MAF: variants seen among roughly 807,000 people sequenced by gnomAD.
The protein encoded by MAF is transcription factor Maf.
Under a neutral mutation model 22.0 loss-of-function variants are expected in MAF, and 10 were observed. The observed-to-expected ratio is 0.45, with a 90% CI of 0.28 to 0.77. The LOEUF (loss-of-function observed/expected upper bound fraction) is 0.77. Among genes scored for constraint, MAF ranks in the 30% least tolerant of loss-of-function variants. MAF has a pLI of 0.12. For synonymous variants in MAF, 337 were observed against 255.8 expected, an observed-to-expected ratio of 1.32 and a Z score of -3.03; for missense variants, 544 against 548.4, an observed-to-expected ratio of 0.99 and a Z score of 0.08.
chr16:79,231,155 G>C, the MAF span, among the ~76,000 whole-genome samples: 3 of 152,010 alleles, frequency 2.0e-5, no homozygotes, highest in African/African-American at 7.2e-5. Context: ...TCTCCACCTG[G>C]ATGTGAAATC....
the MAF span, among the ~76,000 whole-genome samples, chr16:79,423,678 A>G: frequency 1.3e-5 from 2 of 152,220 alleles, no homozygotes; most frequent in African/African-American, 4.8e-5. Flanking sequence ...TATATTTGCT[A>G]TCTGGTCCTT....
At chr16:79,391,252 T>C in the MAF span, among the ~76,000 whole-genome samples, 1 of 152,224 alleles carries the variant, frequency 6.6e-6, no homozygotes, top group South Asian at 2.1e-4. Flanking sequence ...AATAATGACA[T>C]GCTTCTCAAG....
the MAF span, among the ~76,000 whole-genome samples, chr16:79,228,065 A>C: frequency 7.2e-5 from 11 of 152,110 alleles, no homozygotes; most frequent in African/African-American, 2.6e-4. Flanking sequence ...CACCACACGC[A>C]GCTAAGTACT....
the MAF span, among the ~76,000 whole-genome samples, chr16:79,214,963 G>GC: frequency 3.9e-5 from 6 of 151,908 alleles, no homozygotes; most frequent in Non-Finnish European, 7.4e-5. Context: ...ACCCACCTCA[G>GC]CCCCCCAAAG....
At position 79,599,319 on chromosome 16, in the gene MAF, GGGTGGTGGTGGTGGCCGGCGGCGT is replaced by G. The variant is rs1055102790; in HGVS notation, c.560_583del (p.His187_His194del). ...CGCGGCGCCGGGCGCGCCGGCCGTC[GGGTGGTGGTGGTGGCCGGCGGCGT>G]GGTGGTGGTGGTGGTGGTAGTGCGG... On this transcript the variant is annotated inframe_deletion, in exon 1 of 2. Coordinates refer to ENST00000326043, the MANE Select transcript of MAF (RefSeq NM_005360.5). 5 of 984,860 alleles carry G rather than the reference GGGTGGTGGTGGTGGCCGGCGGCGT, an allele frequency of 5.1e-6. No homozygotes were observed. Among genetic ancestry groups the G allele is most frequent in the Non-Finnish European group, 4.8e-6 (4 of 831,270 alleles). 61.0% of individuals were successfully genotyped at this position (984,860 alleles called of 1,614,324 possible).
At chr16:79,380,657 C>G in the MAF span, among the ~76,000 whole-genome samples, 1 of 152,172 alleles carries the variant, frequency 6.6e-6, no homozygotes, top group Non-Finnish European at 1.5e-5. Context: ...TAAACCCTCT[C>G]TGACGATGAT....
the MAF span, among the ~76,000 whole-genome samples, chr16:79,342,658 C>T: frequency 5.9e-5 from 9 of 152,132 alleles, no homozygotes; most frequent in East Asian, 1.7e-3. Flanking sequence ...CCATCACCAT[C>T]ATCATAACAA....
chr16:79,587,052 T>C (rs984905459), intron 1 of MAF, among the ~76,000 whole-genome samples: 3 of 152,244 alleles, frequency 2.0e-5, no homozygotes, highest in Admixed American at 2.0e-4. Flanking sequence ...AATCTTTCTT[T>C]ACTTACATTT....
At chr16:79,461,208 G>T in the MAF span, among the ~76,000 whole-genome samples, 5 of 152,192 alleles carry the variant, frequency 3.3e-5, no homozygotes, top group Non-Finnish European at 7.3e-5. Flanking sequence ...GATTTTGTAA[G>T]AACACTCACA....
chr16:79,599,682 GAGA>G lies in MAF; in HGVS notation c.218_220del (p.Phe73del). The stretch of plus-strand genomic sequence containing the variant: ...GCTGCCCGAGCCCGGGCTGGGCGCC[GAGA>G]AGCTGGGGGAAGGGGGCACCGAGCT... On this transcript the variant is annotated inframe_deletion, in exon 1 of 2. Transcript: ENST00000326043. The G allele has an allele frequency of 6.2e-7, 1 of 1,612,210 alleles. No individual in the cohort carries two copies. The highest frequency in any genetic ancestry group is 1.1e-5 in the South Asian group (1 of 90,992).
chr16:79,303,171 G>A, the MAF span, among the ~76,000 whole-genome samples: 3 of 152,168 alleles, frequency 2.0e-5, no homozygotes, highest in Admixed American at 6.5e-5. Flanking sequence ...GAAGGCTGAT[G>A]TTCTAGACAT....
rs747887687 is a variant in MAF at position 79,598,867 on chromosome 16, C to T, written c.1036G>A (p.Glu346Lys). The T allele has an allele frequency of 5.0e-6, 8 of 1,613,758 alleles. No individual in the cohort carries two copies. The highest frequency in any genetic ancestry group is 6.8e-6 in the Non-Finnish European group (8 of 1,180,014). Reference sequence around the variant, plus strand: ...CTGCTCACCAACTTCTCGTATTTCTCCTTGTACGCGTCCCTCTCGCGCACC... The same window carrying T: ...CTGCTCACCAACTTCTCGTATTTCTTCTTGTACGCGTCCCTCTCGCGCACC... ...RLVRERDAYK[E>K]KYEKLVSSGF... is the part of the protein sequence containing the mutation. Residue 346 changes from glutamate to lysine, a missense_variant, in exon 1 of 2, where the codon GAG (glutamate) becomes AAG (lysine). Coordinates refer to ENST00000326043, the MANE Select transcript of MAF (RefSeq NM_005360.5).
At chr16:79,580,593 T>A in the MAF span, among the ~76,000 whole-genome samples, 1 of 152,066 alleles carries the variant, frequency 6.6e-6, no homozygotes, top group Non-Finnish European at 1.5e-5. Context: ...AGACGCTGCT[T>A]GGAGGGAGAA....
At chr16:79,390,805 G>A in the MAF span, among the ~76,000 whole-genome samples, 3 of 152,188 alleles carry the variant, frequency 2.0e-5, no homozygotes, top group Admixed American at 6.5e-5. Context: ...GGGCCACAGT[G>A]CTTGGTCCAG....
chr16:79,310,189 G>GCACC, the MAF span, among the ~76,000 whole-genome samples: 1 of 152,154 alleles, frequency 6.6e-6, no homozygotes, highest in Non-Finnish European at 1.5e-5. Flanking sequence ...TTTTGTGCAT[G>GCACC]AGGTCAATCC....
At position 79,600,710 on chromosome 16, in the gene MAF, A is replaced by C. The variant is rs1822967479; in HGVS notation, c.-808T>G. Reference sequence around the variant, plus strand: ...CCGAGCTACAGCTAGAAGATGAAAAAAGATTTTAAAGCCTCTGATCCAGCA... The same window carrying C: ...CCGAGCTACAGCTAGAAGATGAAAACAGATTTTAAAGCCTCTGATCCAGCA... On this transcript the variant is annotated 5_prime_UTR_variant, in exon 1 of 2. Coordinates refer to ENST00000326043, the MANE Select transcript of MAF (RefSeq NM_005360.5). 1 of 194,900 alleles carries C rather than the reference A, an allele frequency of 5.1e-6. No individual in the cohort carries two copies. Among genetic ancestry groups the C allele is most frequent in the East Asian group, 9.1e-5 (1 of 10,976 alleles). 12.1% of individuals were successfully genotyped at this position (194,900 alleles called of 1,614,324 possible).
chr16:79,337,146 C>A, the MAF span, among the ~76,000 whole-genome samples: 2 of 152,140 alleles, frequency 1.3e-5, no homozygotes, highest in African/African-American at 2.4e-5. Flanking sequence ...TTTGTTAAGA[C>A]GAGTGAGTGG....
the MAF span, among the ~76,000 whole-genome samples, chr16:79,356,340 A>G: frequency 1.3e-5 from 2 of 152,050 alleles, no homozygotes; most frequent in South Asian, 4.2e-4. Flanking sequence ...CACAGGCCAC[A>G]TCATCATCTC....
the MAF span, among the ~76,000 whole-genome samples, chr16:79,300,554 A>C: frequency 1.3e-5 from 2 of 151,128 alleles, no homozygotes; most frequent in African/African-American, 4.9e-5. Context: ...ACTCCATCTC[A>C]AAACAAACAA....
Sources: gnomAD v4.1 joint callset for allele counts (sites outside exome capture counted in the v4.1 genomes callset) on GRCh38, gnomAD v4.1.1 for gene constraint, MANE v1.5 for transcripts, NCBI Gene and HGNC (gene_info 2026-07-23, HGNC 2026-07-21) for gene names.